Variants in SAMD3 observed in about 807,000 individuals in gnomAD.
SAMD3 encodes sterile alpha motif domain-containing protein 3.
A neutral mutation model predicts 58.5 loss-of-function variants in SAMD3; 63 were observed. The ratio of observed to expected loss-of-function variants is 1.08; its 90% confidence interval spans 0.88 to 1.33. The LOEUF (loss-of-function observed/expected upper bound fraction) is 1.33. Ranked by LOEUF, SAMD3 falls within the 40% of genes most tolerant of loss-of-function variation. The pLI is 0.00. For missense variants in SAMD3, 604 were observed against 608.4 expected (o/e 0.99, Z 0.08); for synonymous variants, 220 against 210.3 (o/e 1.05, Z -0.40).
At chr6:130,269,608 C>T (rs963836189) in intron 2 of SAMD3, among the ~76,000 whole-genome samples, 5 of 151,842 alleles carry the variant, frequency 3.3e-5, no homozygotes, top group African/African-American at 1.2e-4. Context: ...CTCTCTTTTT[C>T]TTTTTGTCAG....
At position 130,265,717 on chromosome 6, in the gene SAMD3, C is replaced by G. The variant is rs527600598; in HGVS notation, c.-187-42904G>C. Among the ~76,000 whole-genome samples, 7 of 152,140 alleles carry G rather than the reference C, an allele frequency of 4.6e-5. No homozygotes were observed. The South Asian group carries it at 1.5e-3, about 32-fold the overall frequency. ...ACAGTTTTTAAAATAAGATTAAGAA[C>G]TGAAGACTGGTGGGGGCTCATAAAC... On this transcript the variant is annotated intron_variant, in intron 2 of 13. Coordinates refer to the SAMD3 transcript ENST00000368134.
chr6:130,240,288 C>T (rs888963895), intron 2 of SAMD3, among the ~76,000 whole-genome samples: 3 of 152,068 alleles, frequency 2.0e-5, no homozygotes, highest in Admixed American at 6.6e-5. Context: ...GCTGATGACC[C>T]CAATTCATAC....
chr6:130,359,164 C>T (rs1255069884), intron 1 of SAMD3, among the ~76,000 whole-genome samples: 1 of 152,060 alleles, frequency 6.6e-6, no homozygotes, highest in African/African-American at 2.4e-5. Flanking sequence ...AGAATAGTGC[C>T]CATTTCATAG....
At chr6:130,214,205 A>T (rs1007275996) in intron 4 of SAMD3, 132 bp downstream of exon 4, 37 of 658,468 alleles carry the variant, frequency 5.6e-5, no homozygotes, top group Non-Finnish European at 7.8e-5. Flanking sequence ...CTCAAATATT[A>T]GAAATACCGT....
At chr6:130,247,766 C>T (rs535310315) in intron 2 of SAMD3, among the ~76,000 whole-genome samples, 3 of 152,114 alleles carry the variant, frequency 2.0e-5, no homozygotes, top group South Asian at 2.1e-4. Flanking sequence ...TTGACTGCTA[C>T]GTAGAAAAGG....
intron 1 of SAMD3, among the ~76,000 whole-genome samples, chr6:130,321,644 ATCAT>A (rs1355844150): frequency 1.3e-5 from 2 of 152,220 alleles, no homozygotes; most frequent in East Asian, 1.9e-4. Flanking sequence ...GACATTTTTC[ATCAT>A]TCAAAGTATT....
At chr6:130,223,353 G>A (rs551673678), upstream of SAMD3, among the ~76,000 whole-genome samples, 11 of 152,336 alleles carry the variant, frequency 7.2e-5, 1 homozygote, top group South Asian at 2.3e-3. Flanking sequence ...GACATTGGCT[G>A]AATGTAATTC....
At chr6:130,315,076 G>A (rs1351442589) in intron 1 of SAMD3, among the ~76,000 whole-genome samples, 1 of 151,962 alleles carries the variant, frequency 6.6e-6, no homozygotes, top group Non-Finnish European at 1.5e-5. Flanking sequence ...TCAAGCTAAT[G>A]AGCATTGAGA....
rs760444215 is a variant in SAMD3, at chr6:130,215,275, G to T, written c.-2C>A. On this transcript the variant is annotated 5_prime_UTR_variant, in exon 3 of 12. Coordinates refer to ENST00000439090, the MANE Select transcript of SAMD3 (RefSeq NM_001017373.4). ...CTGCTCAACTGACCAGGTTTCCATTGCTGTCTCCTGTAAATACACCTGTAG... is the reference window on the plus strand; with the variant it reads ...CTGCTCAACTGACCAGGTTTCCATTTCTGTCTCCTGTAAATACACCTGTAG... 5 of 1,605,234 alleles carry T rather than the reference G, an allele frequency of 3.1e-6. No homozygotes were observed. In the Admixed American group the frequency reaches 8.4e-5, roughly 27 times the overall value.
At chr6:130,147,169 C>A (rs368597362) in intron 9 of SAMD3, among the ~76,000 whole-genome samples, 23 of 152,152 alleles carry the variant, frequency 1.5e-4, no homozygotes, top group East Asian at 1.3e-3. Flanking sequence ...TATTAGCCAC[C>A]CACACTCCAG....
At chr6:130,253,282 T>C (rs1773806008) in intron 2 of SAMD3, among the ~76,000 whole-genome samples, 1 of 152,156 alleles carries the variant, frequency 6.6e-6, no homozygotes, top group African/African-American at 2.4e-5. Flanking sequence ...CTCTGGCTTC[T>C]CTCGGAGGCA....
At chr6:130,191,446 T>A (rs548603841) in intron 5 of SAMD3, among the ~76,000 whole-genome samples, 1 of 152,312 alleles carries the variant, frequency 6.6e-6, no homozygotes, top group East Asian at 1.9e-4. Context: ...ACTGAGTCTG[T>A]TCTCTGTATT....
chr6:130,149,456 A>G (rs983891197), intron 9 of SAMD3, among the ~76,000 whole-genome samples: 8 of 152,214 alleles, frequency 5.3e-5, no homozygotes, highest in Non-Finnish European at 1.0e-4. Context: ...AATAACATGG[A>G]ATCCACCTAG....
At chr6:130,224,834 G>T (rs955083483), upstream of SAMD3, among the ~76,000 whole-genome samples, 1 of 151,940 alleles carries the variant, frequency 6.6e-6, no homozygotes, top group Non-Finnish European at 1.5e-5. Flanking sequence ...TAGCCAGGAT[G>T]ATCTCGATCT....
chr6:130,184,005 C>A, intron 7 of SAMD3, 98 bp downstream of exon 7: 3 of 876,964 alleles, frequency 3.4e-6, no homozygotes, highest in East Asian at 2.6e-5. Context: ...AGAGAGACAC[C>A]AAGAAAAGAT....
At chr6:130,259,752 AG>A (rs1339766576) in intron 2 of SAMD3, among the ~76,000 whole-genome samples, 5 of 152,200 alleles carry the variant, frequency 3.3e-5, no homozygotes, top group Non-Finnish European at 7.3e-5. Context: ...GCAAAGTTAT[AG>A]GAAGTAACAC....
At position 130,154,803 on chromosome 6, in the gene SAMD3, T is replaced by C. The variant is rs372489526; in HGVS notation, c.1023+22A>G. ...GTATATACATATATATGTGTGTGTA[T>C]ATATATATAGAATAAAGATACCTGA... On this transcript the variant is annotated intron_variant, in intron 9 of 11. Transcript: ENST00000439090. 112 of 1,417,498 alleles carry C rather than the reference T, an allele frequency of 7.9e-5. No homozygotes were observed. The African/African-American group carries it at 1.2e-3, about 15-fold the overall frequency. The allele number at this position is 1,417,498 out of a possible 1,614,324, so 87.8% of individuals were successfully genotyped here.
chr6:130,321,107 G>C (rs1465054646), intron 1 of SAMD3, among the ~76,000 whole-genome samples: 1 of 152,200 alleles, frequency 6.6e-6, no homozygotes, highest in Non-Finnish European at 1.5e-5. Flanking sequence ...TGACTCACTT[G>C]TAGCAAATAG....
chr6:130,198,051 G>A (rs1035078780), intron 5 of SAMD3, among the ~76,000 whole-genome samples: 10 of 152,112 alleles, frequency 6.6e-5, no homozygotes, highest in Non-Finnish European at 1.2e-4. Context: ...CTGCCTGCCA[G>A]AGAACAACAC....
Sources: gnomAD v4.1 joint callset for allele counts (sites outside exome capture counted in the v4.1 genomes callset) on GRCh38, gnomAD v4.1.1 for gene constraint, MANE v1.5 for transcripts, NCBI Gene and HGNC (gene_info 2026-07-23, HGNC 2026-07-21) for gene names.